GOLGA6B: variants seen among roughly 807,000 people sequenced by gnomAD.
GOLGA6B encodes the protein golgin A6 family member B.
In GOLGA6B, 11 loss-of-function variants were observed where a neutral mutation model predicts 63.0. The ratio of observed to expected loss-of-function variants is 0.17; its 90% CI spans 0.11 to 0.29. The LOEUF (loss-of-function observed/expected upper bound fraction) is 0.29. GOLGA6B is among the 10% of genes least tolerant of loss of function. The pLI is 1.00. For synonymous variants in GOLGA6B, 46 were observed against 232.6 expected (o/e 0.20, Z 7.30); for missense variants, 134 against 563.8 (o/e 0.24, Z 7.72).
At chr15:72,657,334 C>T (rs532632858) in intron 2 of GOLGA6B, among the ~76,000 whole-genome samples, 11 of 141,672 alleles carry the variant, frequency 7.8e-5, no homozygotes, top group Admixed American at 6.4e-4. Context: ...GTCCAGTGAG[C>T]GTATTAAGAT....
rs768426940 is a variant in GOLGA6B, at chr15:72,666,318, G to T, written c.2058G>T (p.Leu686=). The T allele has an allele frequency of 2.5e-5, 39 of 1,565,858 alleles. 1 individual carries two copies. The Middle Eastern group carries it at 6.9e-4, about 28-fold the overall frequency. The change falls in exon 18 of 18, where the codon CTG becomes CTT. Residue 686 remains leucine (L), a synonymous_variant. Transcript: ENST00000421285. ...DNPTVQQIVQ[L]SPVMQDT ...CCACTGTACAGCAGATCGTGCAGCT[G>T]TCTCCTGTCATGCAGGACACCTAGG... is the stretch of plus-strand genomic sequence containing the variant.
intron 7 of GOLGA6B, among the ~76,000 whole-genome samples, chr15:72,660,923 G>A (rs1341183376): frequency 2.0e-5 from 3 of 148,452 alleles, no homozygotes; most frequent in Non-Finnish European, 3.0e-5. Context: ...CACAATAGAG[G>A]TAATCCTAGT....
intron 7 of GOLGA6B, among the ~76,000 whole-genome samples, chr15:72,660,653 A>G (rs1459489658): frequency 8.9e-6 from 1 of 112,746 alleles, no homozygotes; most frequent in Non-Finnish European, 1.9e-5. Flanking sequence ...GTCTGCAAGC[A>G]TTCATAAAAA....
intron 12 of GOLGA6B, among the ~76,000 whole-genome samples, chr15:72,664,194 A>T (rs1299975355): frequency 7.6e-6 from 1 of 130,738 alleles, no homozygotes; most frequent in East Asian, 2.3e-4. Flanking sequence ...GGTCACCTGC[A>T]GCAGTACGTG....
rs1300802468 is a variant in GOLGA6B at position 72,664,178 on chromosome 15, T to C, written c.1426-258T>C. On this transcript the variant is annotated intron_variant, in intron 12 of 17. Transcript: ENST00000421285. ...GAGTCTGCAGCAGCAGCGAGACTAG[T>C]ACCTGGGTCACCTGCAGCAGTACGT... Among the ~76,000 whole-genome samples the C allele has an allele frequency of 2.3e-5, 3 of 130,790 alleles. No homozygotes were observed. The South Asian group carries it at 8.4e-4, about 36-fold the overall frequency. The allele number at this position is 130,790 out of a possible 152,430, so 85.8% of individuals were successfully genotyped here.
rs1178431482 is a variant in GOLGA6B at position 72,662,285 on chromosome 15, C to T, written c.881C>T (p.Thr294Ile). 16 of 1,386,700 alleles carry T rather than the reference C, an allele frequency of 1.2e-5. 4 individuals carry two copies. In the South Asian group the frequency reaches 1.3e-4, roughly 11 times the overall value. The allele number at this position is 1,386,700 out of a possible 1,614,324, so 85.9% of individuals were successfully genotyped here. A position where few individuals can be genotyped will look rare whatever the true frequency, so the allele number is the denominator to read the frequency against. ...KPPSLAPPAVTSVVEQLQDEA... is the reference protein window; with the variant it reads ...KPPSLAPPAVISVVEQLQDEA... ...CCATCCCTGGCGCCCCCAGCAGTGACCTCTGTGGTGGAACAGCTACAAGAT... is the reference window on the plus strand; with the variant it reads ...CCATCCCTGGCGCCCCCAGCAGTGATCTCTGTGGTGGAACAGCTACAAGAT... Residue 294 changes from threonine to isoleucine, a missense_variant, in exon 11 of 18, where the codon ACC (threonine) becomes ATC (isoleucine). By Grantham distance (89) the Thr-to-Ile change is moderately conservative. Coordinates refer to ENST00000421285, the MANE Select transcript of GOLGA6B (RefSeq NM_018652.5).
chr15:72,662,187 TGAGGG>T, intron 10 of GOLGA6B, 60 bp from the exon 11 acceptor site: 1 of 1,298,746 alleles, frequency 7.7e-7, no homozygotes, highest in Non-Finnish European at 1.0e-6. Flanking sequence ...TTTTTTTTTT[TGAGGG>T]GGATGTGGGT....
chr15:72,664,584 AG>A, intron 13 of GOLGA6B, 73 bp downstream of exon 13: 1 of 1,038,334 alleles, frequency 9.6e-7, no homozygotes, highest in Non-Finnish European at 1.4e-6. Context: ...CATAGGATTG[AG>A]GGGTTGGAAG....
At position 72,666,221 on chromosome 15, in the gene GOLGA6B, A is replaced by C; in HGVS notation, c.1961A>C (p.Tyr654Ser). 1 of 1,604,610 alleles carries C rather than the reference A, an allele frequency of 6.2e-7. No homozygotes were observed. Among genetic ancestry groups the C allele is most frequent in the East Asian group, 2.3e-5 (1 of 44,070 alleles). Reference protein sequence around the residue: ...LGAAGEQDDFYEVSLDNNVEP... With the variant: ...LGAAGEQDDFSEVSLDNNVEP... ...CGCCTCCCTCTCTCTGAAGATTTTT[A>C]TGAAGTGAGCCTGGACAACAACGTG... The change falls in exon 18 of 18, where the codon TAT becomes TCT. Residue 654 changes from tyrosine to serine, a missense_variant. By Grantham distance (144) the Tyr-to-Ser change is moderately radical (BLOSUM62 -2). Transcript: ENST00000421285.
intron 12 of GOLGA6B, among the ~76,000 whole-genome samples, chr15:72,663,926 G>T (rs1567378876): frequency 7.7e-6 from 1 of 130,492 alleles, no homozygotes; most frequent in African/African-American, 2.6e-5. Flanking sequence ...AGTTTAAATG[G>T]TGGGAAGAAG....
Position 72,662,240 on chromosome 15 carries a change from T to C in GOLGA6B, c.848-12T>C, listed in dbSNP as rs2064602536. 7.2e-7 allele frequency: 1 copy of C among 1,385,278 alleles called. No homozygotes were observed. The highest frequency in any genetic ancestry group is 9.8e-7 in the Non-Finnish European group (1 of 1,024,224). 85.8% of individuals were successfully genotyped at this position (1,385,278 alleles called of 1,614,324 possible). ...GAATCCAGAGGCCCTTATTGTCTGC[T>C]TCATTTCTCAGCTAAGCCCCCATCC... On this transcript the variant is annotated splice_polypyrimidine_tract_variant and intron_variant, in intron 10 of 17. Transcript: ENST00000421285.
intron 7 of GOLGA6B, 33 bp from the exon 8 acceptor site, chr15:72,661,231 C>A: frequency 6.2e-7 from 1 of 1,612,200 alleles, no homozygotes; most frequent in Non-Finnish European, 8.5e-7. Context: ...CCTGAGCTCC[C>A]CAGATCAAAA....
At position 72,666,249 on chromosome 15, in the gene GOLGA6B, G is replaced by A; in HGVS notation, c.1989G>A (p.Glu663=). Reference sequence around the variant, plus strand: ...AAGTGAGCCTGGACAACAACGTGGAGCCTGCACCAGGAGCGGCCAGGGAGG... The same window carrying A: ...AAGTGAGCCTGGACAACAACGTGGAACCTGCACCAGGAGCGGCCAGGGAGG... ...FYEVSLDNNV[E]PAPGAAREGS... Residue 663 remains glutamate, a synonymous_variant, in exon 18 of 18, where the codon GAG becomes GAA. Transcript: ENST00000421285. The A allele has an allele frequency of 6.2e-7, 1 of 1,604,598 alleles. No individual in the cohort carries two copies. Among genetic ancestry groups the A allele is most frequent in the South Asian group, 1.1e-5 (1 of 90,474 alleles).
At chr15:72,657,988 A>G (rs1300874681) in intron 2 of GOLGA6B, among the ~76,000 whole-genome samples, 2 of 24,106 alleles carry the variant, frequency 8.3e-5, no homozygotes, top group Non-Finnish European at 1.2e-4. Flanking sequence ...TTTGAGACAG[A>G]GTCTCACTCT....
At chr15:72,664,283 C>A (rs1327586165) in intron 12 of GOLGA6B, among the ~76,000 whole-genome samples, 153 bp from the exon 13 acceptor site, 1 of 130,136 alleles carries the variant, frequency 7.7e-6, no homozygotes, top group African/African-American at 2.6e-5. Context: ...CGTGGACCAG[C>A]TGCAGCAGCA....
rs376142497 is a variant in GOLGA6B at position 72,669,511 on chromosome 15, G to T, written c.*3169G>T. On this transcript the variant is annotated 3_prime_UTR_variant, in exon 18 of 18. Transcript: ENST00000421285. ...ATTCTTGTAAACAGAATGTATAATA[G>T]AAATACTGAAACACTGTTGCCTAAA... Among the ~76,000 whole-genome samples, 6 of 151,930 alleles carry T rather than the reference G, an allele frequency of 3.9e-5. No individual in the cohort carries two copies. In the South Asian group the frequency reaches 1.2e-3, roughly 32 times the overall value.
At chr15:72,657,801 CT>C in intron 2 of GOLGA6B, among the ~76,000 whole-genome samples, 1 of 33,118 alleles carries the variant, frequency 3.0e-5, no homozygotes, top group South Asian at 1.3e-3. Flanking sequence ...TGCCATTAAC[CT>C]TCAGCCTGTT....
At chr15:72,657,536 T>C (rs1388851217) in intron 2 of GOLGA6B, among the ~76,000 whole-genome samples, 7 of 68,580 alleles carry the variant, frequency 1.0e-4, no homozygotes, top group African/African-American at 4.5e-4. Context: ...CCTGACTTTC[T>C]TGCTTCTCTC....
chr15:72,666,230 G>T lies in GOLGA6B; in HGVS notation c.1970G>T (p.Ser657Ile), dbSNP rs766587572. The T allele has an allele frequency of 3.7e-6, 6 of 1,605,750 alleles. No individual in the cohort carries two copies. In the African/African-American group the frequency reaches 8.3e-5, roughly 22 times the overall value. ...AGEQDDFYEVSLDNNVEPAPG... is the reference protein window; with the variant it reads ...AGEQDDFYEVILDNNVEPAPG... ...CTCTCTGAAGATTTTTATGAAGTGA[G>T]CCTGGACAACAACGTGGAGCCTGCA... Residue 657 changes from serine to isoleucine, a missense_variant, in exon 18 of 18, where the codon AGC becomes ATC. Coordinates refer to ENST00000421285, the MANE Select transcript of GOLGA6B (RefSeq NM_018652.5).
Sources: gnomAD v4.1 joint callset for allele counts (sites outside exome capture counted in the v4.1 genomes callset) on GRCh38, gnomAD v4.1.1 for gene constraint, MANE v1.5 for transcripts, NCBI Gene and HGNC (gene_info 2026-07-23, HGNC 2026-07-21) for gene names.